Variants in GPRC5A observed in about 807,000 individuals in gnomAD.
The protein encoded by GPRC5A is retinoic acid-induced protein 3.
Under a neutral mutation model 22.5 loss-of-function variants are expected in GPRC5A, and 19 were observed. The observed-to-expected ratio is 0.85, with a 90% confidence interval of 0.59 to 1.24. The LOEUF (loss-of-function observed/expected upper bound fraction) is 1.24, where lower values mean the gene tolerates loss of function less well. Among genes scored for constraint, GPRC5A ranks in the 50% most tolerant of loss-of-function variants. The probability of loss-of-function intolerance (pLI) is 0.00; values close to 1 mark genes in which losing one functional copy is unlikely to be tolerated. For synonymous variants in GPRC5A, 192 were observed against 184.5 expected, an observed-to-expected ratio of 1.04 and a Z score of -0.33; for missense variants, 471 against 451.1, an observed-to-expected ratio of 1.04 and a Z score of -0.40.
chr12:12,910,027 A>G (rs1184948652), intron 2 of GPRC5A, among the ~76,000 whole-genome samples: 1 of 151,788 alleles, frequency 6.6e-6, no homozygotes, highest in Non-Finnish European at 1.5e-5. Context: ...TTGTTTTCAT[A>G]AGCAAAAGAG....
At chr12:12,894,772 G>GTTTTT (rs56794431) in intron 1 of GPRC5A, among the ~76,000 whole-genome samples, 3,176 of 67,478 alleles carry the variant, frequency 0.047, 467 homozygotes, top group Non-Finnish European at 0.061. Context: ...GTCTAGGATG[G>GTTTTT]TTTTTTTTTT....
In GPRC5A at chr12:12,912,138, T is replaced by G; in HGVS notation, c.977T>G (p.Leu326Arg). 1 of 1,608,214 alleles carries G rather than the reference T, an allele frequency of 6.2e-7. No homozygotes were observed. Among genetic ancestry groups the G allele is most frequent in the Non-Finnish European group, 8.5e-7 (1 of 1,174,560 alleles). The change falls in exon 3 of 4, where the codon CTG becomes CGG. Residue 326 changes from leucine to arginine, a missense_variant. Transcript: ENST00000014914. Reference protein sequence around the residue: ...LYAPYSTHFQLQNQPPQKEFS... With the variant: ...LYAPYSTHFQRQNQPPQKEFS... ...GCCCCCTATTCCACACATTTTCAGC[T>G]GCAGGTAAGTGATTTTTTTCTCCCT...
intron 1 of GPRC5A, among the ~76,000 whole-genome samples, chr12:12,898,725 C>T (rs370970329): frequency 6.6e-6 from 1 of 152,292 alleles, no homozygotes. Context: ...ACAGTGGTGC[C>T]ACTCAGTTGC....
Position 12,909,161 on chromosome 12 carries a change from A to T in GPRC5A, c.912A>T (p.Glu304Asp), listed in dbSNP as rs542526581. 6.1e-5 allele frequency: 97 copies of T among 1,586,076 alleles called. No homozygotes were observed. The East Asian group carries it at 2.1e-3, about 35-fold the overall frequency. The change falls in exon 2 of 4, where the codon GAA (glutamate) becomes GAT (aspartate). Residue 304 changes from glutamate to aspartate, a missense_variant. Transcript: ENST00000014914. Reference sequence around the variant, plus strand: ...AGAACAGAGCCTACTCTCAAGAGGAAATCACTCAAGGTACAGATGCAGCCT... The same window carrying T: ...AGAACAGAGCCTACTCTCAAGAGGATATCACTCAAGGTACAGATGCAGCCT... ...GVENRAYSQEEITQGFEETGD... is the reference protein window; with the variant it reads ...GVENRAYSQEDITQGFEETGD...
In GPRC5A at chr12:12,908,567, C is replaced by T; in HGVS notation, c.318C>T (p.Ser106=). ...TRFFLFGILF[S]ICFSCLLAHA... ...TCTTCCTCTTTGGGATCCTCTTTTC[C>T]ATCTGCTTCTCCTGCCTGCTGGCTC... The change falls in exon 2 of 4, where the codon TCC becomes TCT. Residue 106 remains serine (S), a synonymous_variant. Coordinates refer to ENST00000014914, the MANE Select transcript of GPRC5A (RefSeq NM_003979.4). The T allele has an allele frequency of 6.2e-7, 1 of 1,614,178 alleles. No individual in the cohort carries two copies. The highest frequency in any genetic ancestry group is 1.1e-5 in the South Asian group (1 of 91,080).
In GPRC5A at chr12:12,913,736, G is replaced by T. The variant is rs899729745; in HGVS notation, c.*1197G>T. On this transcript the variant is annotated 3_prime_UTR_variant, in exon 4 of 4. Coordinates refer to ENST00000014914, the MANE Select transcript of GPRC5A (RefSeq NM_003979.4). Reference sequence around the variant, plus strand: ...CTTCATGTTGGAGCTGAAGTTCAAGGTTCACTTCCTTTGGGTTTGTACTTG... The same window carrying T: ...CTTCATGTTGGAGCTGAAGTTCAAGTTTCACTTCCTTTGGGTTTGTACTTG... The T allele has an allele frequency of 2.0e-5, 3 of 152,150 alleles. No homozygotes were observed. The highest frequency in any genetic ancestry group is 7.2e-5 in the African/African-American group (3 of 41,406). 9.4% of individuals were successfully genotyped at this position (152,150 alleles called of 1,614,324 possible). A position where few individuals can be genotyped will look rare whatever the true frequency, so the allele number is the denominator to read the frequency against.
At chr12:12,905,382 C>G (rs542354642) in intron 1 of GPRC5A, among the ~76,000 whole-genome samples, 43 of 152,260 alleles carry the variant, frequency 2.8e-4, no homozygotes, top group African/African-American at 1.0e-3. Context: ...CTCTTTCCTG[C>G]TGCAACATAG....
rs542254831 is a variant in GPRC5A, at chr12:12,904,305, A to G, written c.-7-3938A>G. 1.2e-4 allele frequency among the ~76,000 whole-genome samples: 18 copies of G among 152,304 alleles called. No homozygotes were observed. The East Asian group carries it at 2.1e-3, about 18-fold the overall frequency. On this transcript the variant is annotated intron_variant, in intron 1 of 3. Coordinates refer to ENST00000014914, the MANE Select transcript of GPRC5A (RefSeq NM_003979.4). ...GGTGCTTGGATTGCAGGGGCTGTCT[A>G]TATCTGAACCTCATTTGCCTTTTTC...
rs1039703754 is a variant in GPRC5A at position 12,912,596 on chromosome 12, A to G, written c.*57A>G. 1 of 1,026,416 alleles carries G rather than the reference A, an allele frequency of 9.7e-7. No homozygotes were observed. 63.6% of individuals were successfully genotyped at this position (1,026,416 alleles called of 1,614,324 possible). A position where few individuals can be genotyped will look rare whatever the true frequency, so the allele number is the denominator to read the frequency against. On this transcript the variant is annotated 3_prime_UTR_variant, in exon 4 of 4. Coordinates refer to ENST00000014914, the MANE Select transcript of GPRC5A (RefSeq NM_003979.4). ...GGGCGGCAGATCTAGCGGGAGCTCAAAGGGATGTGGGCGAAATCTTGAGTC... is the reference window on the plus strand; with the variant it reads ...GGGCGGCAGATCTAGCGGGAGCTCAGAGGGATGTGGGCGAAATCTTGAGTC...
intron 1 of GPRC5A, among the ~76,000 whole-genome samples, chr12:12,894,093 A>G (rs1237053830): frequency 1.3e-5 from 2 of 152,142 alleles, no homozygotes; most frequent in Non-Finnish European, 2.9e-5. Flanking sequence ...CAATGCTCAT[A>G]TGTTTATGTA....
intron 2 of GPRC5A, chr12:12,909,506 T>C (rs1161147628): frequency 2.3e-5 from 5 of 213,670 alleles, no homozygotes; most frequent in Non-Finnish European, 2.8e-5. Context: ...AGCAAAGACA[T>C]GGAAAAAGGA....
At chr12:12,897,497 C>T (rs768071193) in intron 1 of GPRC5A, among the ~76,000 whole-genome samples, 52 of 151,502 alleles carry the variant, frequency 3.4e-4, no homozygotes, top group African/African-American at 7.3e-4. Context: ...GAGGTGGAGA[C>T]GGGAGTTAGG....
chr12:12,910,359 A>G (rs1409430740), intron 2 of GPRC5A, among the ~76,000 whole-genome samples: 1 of 152,046 alleles, frequency 6.6e-6, no homozygotes, highest in Non-Finnish European at 1.5e-5. Flanking sequence ...GCTTCACTCC[A>G]TCACCTCACT....
rs750749338 is a variant in GPRC5A at position 12,908,538 on chromosome 12, C to T, written c.289C>T (p.Arg97Cys). The change falls in exon 2 of 4, where the codon CGC becomes TGC. Residue 97 changes from arginine (R) to cysteine (C), a missense_variant. Arg to Cys is a radical substitution (Grantham distance 180). Transcript: ENST00000014914. Reference protein sequence around the residue: ...IGLDGSTGPTRFFLFGILFSI... With the variant: ...IGLDGSTGPTCFFLFGILFSI... ...ACTGGACGGGAGCACAGGGCCCACA[C>T]GCTTCTTCCTCTTTGGGATCCTCTT... 51 of 1,614,034 alleles carry T rather than the reference C, an allele frequency of 3.2e-5. No individual in the cohort carries two copies. The highest frequency in any genetic ancestry group is 1.6e-4 in the Middle Eastern group (1 of 6,084).
chr12:12,900,590 C>A (rs1020732035), intron 1 of GPRC5A, among the ~76,000 whole-genome samples: 2 of 151,022 alleles, frequency 1.3e-5, no homozygotes, highest in African/African-American at 5.0e-5. Flanking sequence ...CTCTTCCCCA[C>A]TGGTTTTTCT....
At chr12:12,911,230 G>A (rs1249965835) in intron 2 of GPRC5A, among the ~76,000 whole-genome samples, 1 of 152,086 alleles carries the variant, frequency 6.6e-6, no homozygotes, top group Non-Finnish European at 1.5e-5. Flanking sequence ...CATAAATTTG[G>A]TGGGAAATAA....
chr12:12,892,422 C>A (rs993489395), intron 1 of GPRC5A, among the ~76,000 whole-genome samples: 2 of 152,012 alleles, frequency 1.3e-5, no homozygotes, highest in Non-Finnish European at 1.5e-5. Flanking sequence ...GGCTGGAGTA[C>A]AATGTTGCGA....
intron 1 of GPRC5A, among the ~76,000 whole-genome samples, chr12:12,903,405 C>T (rs997255166): frequency 2.6e-5 from 4 of 152,118 alleles, no homozygotes; most frequent in Admixed American, 6.5e-5. Context: ...CTAAGTCTCT[C>T]GAGTAGCTGG....
Position 12,915,107 on chromosome 12 carries a change from A to G in GPRC5A, c.*2568A>G, listed in dbSNP as rs1457877896. Reference sequence around the variant, plus strand: ...ACAATCATAGCTCACTGCAGCCTCAACTTTCTGTGCTCGAGTGATTCTCCT... The same window carrying G: ...ACAATCATAGCTCACTGCAGCCTCAGCTTTCTGTGCTCGAGTGATTCTCCT... On this transcript the variant is annotated 3_prime_UTR_variant, in exon 4 of 4. Transcript: ENST00000014914. 2 of 147,864 alleles carry G rather than the reference A, an allele frequency of 1.4e-5. No individual in the cohort carries two copies. Among genetic ancestry groups the G allele is most frequent in the Non-Finnish European group, 3.0e-5 (2 of 67,630 alleles). 9.2% of individuals were successfully genotyped at this position (147,864 alleles called of 1,614,324 possible).
Sources: allele counts gnomAD v4.1 joint callset (sites outside exome capture counted in the v4.1 genomes callset), GRCh38; gene constraint gnomAD v4.1.1; transcripts MANE v1.5; gene names NCBI Gene and HGNC (gene_info 2026-07-23, HGNC 2026-07-21).